GREB1: variants seen among roughly 807,000 people sequenced by gnomAD.
The protein encoded by GREB1 is protein GREB1.
GREB1 carries 106 observed loss-of-function variants against 200.7 expected under a neutral mutation model. The observed-to-expected ratio is 0.53, with a 90% CI of 0.45 to 0.62. The LOEUF is 0.62. Among genes scored for constraint, GREB1 ranks in the 20% least tolerant of loss-of-function variants. The pLI is 0.00. For missense variants in GREB1, 2,243 were observed against 2,556.8 expected, an observed-to-expected ratio of 0.88 and a Z score of 2.65; for synonymous variants, 1,132 against 1,092.4, an observed-to-expected ratio of 1.04 and a Z score of -0.72.
rs145197482 is a variant in GREB1 at position 11,635,249 on chromosome 2, C to A, written c.5211-21C>A. ...GTGAGCTGTGCCCCATCAGACCCACCCCTCCTCTGGCCCTGAGTAGGTTCC... is the reference window on the plus strand; with the variant it reads ...GTGAGCTGTGCCCCATCAGACCCACACCTCCTCTGGCCCTGAGTAGGTTCC... On this transcript the variant is annotated intron_variant, in intron 29 of 32. Coordinates refer to ENST00000381486, the MANE Select transcript of GREB1 (RefSeq NM_014668.4). The A allele has an allele frequency of 1.1e-3, 1,700 of 1,613,938 alleles. 20 individuals are homozygous for A. In the African/African-American group the frequency reaches 0.019, roughly 18 times the overall value.
At chr2:11,561,406 C>T (rs1206195788) in intron 2 of GREB1, 1 of 150,132 alleles carries the variant, frequency 6.7e-6, no homozygotes, top group Non-Finnish European at 1.5e-5. Context: ...TCTTGTTGCC[C>T]AGGCTGGAGT....
At chr2:11,502,658 G>A (rs1189721814) in intron 1 of GREB1, among the ~76,000 whole-genome samples, 1 of 152,094 alleles carries the variant, frequency 6.6e-6, no homozygotes, top group Non-Finnish European at 1.5e-5. Flanking sequence ...TAACTTGCAA[G>A]GAGGAAGATA....
chr2:11,596,254 G>T lies in GREB1; in HGVS notation c.1954+15G>T, dbSNP rs1358852305. On this transcript the variant is annotated intron_variant, in intron 13 of 32. Coordinates refer to ENST00000381486, the MANE Select transcript of GREB1 (RefSeq NM_014668.4). ...GGTGTGCACAAGTGAGTGGTGAAAAGGAATCTCCCAGGGTGGAGAGGGTAC... is the reference window on the plus strand; with the variant it reads ...GGTGTGCACAAGTGAGTGGTGAAAATGAATCTCCCAGGGTGGAGAGGGTAC... 5.6e-6 allele frequency: 9 copies of T among 1,610,600 alleles called. No homozygotes were observed. The highest frequency in any genetic ancestry group is 6.8e-6 in the Non-Finnish European group (8 of 1,177,758).
At chr2:11,488,925 GC>G (rs1340102721) in intron 1 of GREB1, among the ~76,000 whole-genome samples, 5 of 106,672 alleles carry the variant, frequency 4.7e-5, no homozygotes, top group Non-Finnish European at 1.0e-4. Context: ...CACCGCATTT[GC>G]AGTGACATAT....
rs1374178901 is a variant in GREB1, at chr2:11,556,601, C to T, written c.-14C>T. ...GAGATGCCATTTTAAACAGAAGACTCCATCCTCTTGAAGATGGGAAATTCT... is the reference window on the plus strand; with the variant it reads ...GAGATGCCATTTTAAACAGAAGACTTCATCCTCTTGAAGATGGGAAATTCT... On this transcript the variant is annotated 5_prime_UTR_variant, in exon 2 of 33. Coordinates refer to ENST00000381486, the MANE Select transcript of GREB1 (RefSeq NM_014668.4). 1 of 1,603,522 alleles carries T rather than the reference C, an allele frequency of 6.2e-7. No homozygotes were observed. Among genetic ancestry groups the T allele is most frequent in the South Asian group, 1.1e-5 (1 of 89,246 alleles).
chr2:11,626,424 C>CA (rs1558658115), intron 24 of GREB1, among the ~76,000 whole-genome samples: 4 of 152,122 alleles, frequency 2.6e-5, no homozygotes, highest in South Asian at 2.1e-4. Context: ...CCCGTCTCTA[C>CA]AAAAAATGCA....
chr2:11,575,610 A>G (rs182679845), intron 4 of GREB1, among the ~76,000 whole-genome samples: 2 of 152,332 alleles, frequency 1.3e-5, no homozygotes, highest in Admixed American at 1.3e-4. Flanking sequence ...ACTGGCTGCT[A>G]AGCCACGGAA....
At chr2:11,573,801 T>G (rs1678556236) in intron 4 of GREB1, among the ~76,000 whole-genome samples, 1 of 152,182 alleles carries the variant, frequency 6.6e-6, no homozygotes, top group South Asian at 2.1e-4. Context: ...GTGCTTCCCA[T>G]CCCAGCGGAG....
chr2:11,610,736 G>C lies in GREB1; in HGVS notation c.2715G>C (p.Gln905His). ...TGATCAGGACCTTTGTTCTCGTGCA[G>C]CACTACGCGGCCGCCCTGATGGCCG... Reference protein sequence around the residue: ...SAVIRTFVLVQHYAAALMAVS... With the variant: ...SAVIRTFVLVHHYAAALMAVS... Residue 905 changes from glutamine (Q) to histidine (H), a missense_variant, in exon 18 of 33, where the codon CAG becomes CAC. Gln to His is a conservative substitution (Grantham distance 24, BLOSUM62 0). This residue lies in a region of GREB1 where 1,178 missense variants were observed against 1,387.4 expected (regional missense o/e 0.85). Transcript: ENST00000381486. 1 of 1,613,468 alleles carries C rather than the reference G, an allele frequency of 6.2e-7. No individual in the cohort carries two copies. The highest frequency in any genetic ancestry group is 8.5e-7 in the Non-Finnish European group (1 of 1,180,002).
At chr2:11,556,847 C>A in intron 2 of GREB1, 76 bp downstream of exon 2, 1 of 1,119,182 alleles carries the variant, frequency 8.9e-7, no homozygotes, top group Non-Finnish European at 1.2e-6. Flanking sequence ...GAACTTGAAA[C>A]TCTTTTCTTT....
chr2:11,553,009 C>CAAAA (rs370234359), intron 1 of GREB1, among the ~76,000 whole-genome samples: 12,501 of 80,640 alleles, frequency 0.16, 2,117 homozygotes, highest in African/African-American at 0.39. Flanking sequence ...AACTCCGTCT[C>CAAAA]AAAAAAAAAA....
intron 17 of GREB1, among the ~76,000 whole-genome samples, chr2:11,607,706 T>C (rs1172508674): frequency 6.6e-6 from 1 of 151,564 alleles, no homozygotes; most frequent in East Asian, 1.9e-4. Context: ...ATTTCAGGTG[T>C]CACGTGCATT....
At chr2:11,527,808 T>C (rs1673939703) in intron 1 of GREB1, among the ~76,000 whole-genome samples, 1 of 152,186 alleles carries the variant, frequency 6.6e-6, no homozygotes, top group East Asian at 1.9e-4. Context: ...AAAGGAAAAG[T>C]GCAGGAGGCC....
At chr2:11,605,279 G>T (rs1415247702) in intron 17 of GREB1, among the ~76,000 whole-genome samples, 4 of 149,584 alleles carry the variant, frequency 2.7e-5, no homozygotes, top group African/African-American at 9.9e-5. Flanking sequence ...AGGCTGAAGT[G>T]CAACGGCGCG....
chr2:11,615,024 C>A, intron 19 of GREB1, 67 bp from the exon 20 acceptor site: 1 of 1,224,834 alleles, frequency 8.2e-7, no homozygotes, highest in Non-Finnish European at 1.2e-6. Context: ...GTGCTGCCTG[C>A]CGCAGTGGGA....
chr2:11,487,323 G>A (rs1357074781), intron 1 of GREB1, among the ~76,000 whole-genome samples: 1 of 152,166 alleles, frequency 6.6e-6, no homozygotes, highest in Non-Finnish European at 1.5e-5. Context: ...CAGTCCTCTT[G>A]ATCTCAGTGG....
intron 30 of GREB1, among the ~76,000 whole-genome samples, 170 bp from the exon 31 acceptor site, chr2:11,637,546 A>G (rs933274380): frequency 5.9e-5 from 9 of 152,192 alleles, no homozygotes; most frequent in Non-Finnish European, 8.8e-5. Flanking sequence ...TCCTTTGAGT[A>G]AAACCTAATC....
intron 1 of GREB1, among the ~76,000 whole-genome samples, chr2:11,539,345 C>G (rs1036855449): frequency 1.5e-4 from 23 of 152,132 alleles, no homozygotes; most frequent in African/African-American, 5.6e-4. Flanking sequence ...ACCATTGTGC[C>G]CAGCCAATAG....
At chr2:11,635,195 T>A in intron 29 of GREB1, 75 bp from the exon 30 acceptor site, 1 of 1,572,664 alleles carries the variant, frequency 6.4e-7, no homozygotes, top group South Asian at 1.1e-5. Context: ...GGACCCACAC[T>A]CTAGGTGCTG....
Sources: allele counts gnomAD v4.1 joint callset (sites outside exome capture counted in the v4.1 genomes callset), GRCh38; gene constraint gnomAD v4.1.1; regional missense constraint gnomAD v4.1.1; transcripts MANE v1.5; gene names NCBI Gene and HGNC (gene_info 2026-07-23, HGNC 2026-07-21).